The following NCS1 variants were observed in gnomAD, a reference collection of about 807,000 sequenced individuals.
NCS1 encodes the protein frequenin homolog.
In NCS1, 6 loss-of-function variants were observed where a neutral mutation model predicts 28.4. The ratio of observed to expected loss-of-function variants is 0.21; its 90% confidence interval spans 0.12 to 0.42. NCS1 has a LOEUF of 0.42. Among genes scored for constraint, NCS1 ranks in the 10% least tolerant of loss-of-function variants. The pLI is 1.00. For missense variants in NCS1, 131 were observed against 241.4 expected (o/e 0.54, Z 3.03); for synonymous variants, 86 against 99.3 (o/e 0.87, Z 0.79).
At chr9:130,223,531 A>G (rs902770362) in intron 6 of NCS1, among the ~76,000 whole-genome samples, 11 of 152,150 alleles carry the variant, frequency 7.2e-5, no homozygotes, top group Admixed American at 4.6e-4. Context: ...GAGTATTTTA[A>G]AAAAAGAATC....
At chr9:130,231,088 C>T (rs1833495228) in intron 7 of NCS1, among the ~76,000 whole-genome samples, 1 of 152,022 alleles carries the variant, frequency 6.6e-6, no homozygotes, top group African/African-American at 2.4e-5. Context: ...CAGTGGCTGA[C>T]GCCTGTAATC....
intron 1 of NCS1, among the ~76,000 whole-genome samples, chr9:130,182,822 G>C (rs1286251485): frequency 6.6e-6 from 1 of 152,250 alleles, no homozygotes; most frequent in African/African-American, 2.4e-5. Flanking sequence ...AGTGCCCCTG[G>C]CCATCCTGCC....
chr9:130,220,588 G>A (rs868921159), intron 4 of NCS1, among the ~76,000 whole-genome samples: 1 of 152,050 alleles, frequency 6.6e-6, no homozygotes, highest in East Asian at 1.9e-4. Context: ...GAGTTGGGAG[G>A]GGAAGCTGTG....
At chr9:130,216,227 C>T (rs1272010904) in intron 2 of NCS1, among the ~76,000 whole-genome samples, 2 of 152,146 alleles carry the variant, frequency 1.3e-5, no homozygotes, top group African/African-American at 2.4e-5. Flanking sequence ...CTCCGATGTT[C>T]GAGGGGAGGG....
In NCS1 at chr9:130,219,088, G is replaced by A. The variant is rs947083437; in HGVS notation, c.229-637G>A. Reference sequence around the variant, plus strand: ...TGTCACCTCCGGGCAGTGGCTGCACGGATAGCTGTTGGGTTATCTGCGATG... The same window carrying A: ...TGTCACCTCCGGGCAGTGGCTGCACAGATAGCTGTTGGGTTATCTGCGATG... On this transcript the variant is annotated intron_variant, in intron 3 of 7. Transcript: ENST00000372398. This position sits in a 1 kb window ranked among gnomAD's most constrained non-coding sequence, Gnocchi z 5.7. 6.6e-6 allele frequency among the ~76,000 whole-genome samples: 1 copy of A among 152,096 alleles called. No individual in the cohort carries two copies. The highest frequency in any genetic ancestry group is 2.4e-5 in the African/African-American group (1 of 41,396).
At chr9:130,223,253 C>A in intron 6 of NCS1, 94 bp downstream of exon 6, 1 of 1,149,194 alleles carries the variant, frequency 8.7e-7, no homozygotes, top group South Asian at 1.3e-5. Context: ...GGCTTTGCTG[C>A]CAACCTCCTC....
rs375719319 is a variant in NCS1 at position 130,181,605 on chromosome 9, C to A, written c.64+8878C>A. On this transcript the variant is annotated intron_variant, in intron 1 of 7. Coordinates refer to ENST00000372398, the MANE Select transcript of NCS1 (RefSeq NM_014286.4). This position sits in a 1 kb window ranked among gnomAD's most constrained non-coding sequence, Gnocchi z 5.0. ...GAGAGTGGTGCCATTGGGGTCTGAT[C>A]CCCGTCCCCTCTCAGCCTGGAGTCT... Among the ~76,000 whole-genome samples the A allele has an allele frequency of 3.2e-4, 48 of 152,246 alleles. No homozygotes were observed. The highest frequency in any genetic ancestry group is 1.1e-3 in the African/African-American group (45 of 41,558).
intron 1 of NCS1, among the ~76,000 whole-genome samples, chr9:130,182,275 T>C (rs971606771): frequency 1.3e-5 from 2 of 152,130 alleles, no homozygotes; most frequent in African/African-American, 2.4e-5. Flanking sequence ...ATCTTTATGT[T>C]GCCAGAGCCA....
chr9:130,228,379 GTTTT>G (rs1833448068), intron 7 of NCS1, among the ~76,000 whole-genome samples: 1 of 151,402 alleles, frequency 6.6e-6, no homozygotes, highest in Non-Finnish European at 1.5e-5. Context: ...TTGTTTGTTT[GTTTT>G]GTTTTGTTTT....
chr9:130,224,391 C>CAAA (rs71387332), intron 6 of NCS1, among the ~76,000 whole-genome samples: 3 of 96,478 alleles, frequency 3.1e-5, no homozygotes, highest in Admixed American at 1.1e-4. Context: ...GACGCAGTCT[C>CAAA]AAAAAAAAAA....
chr9:130,228,068 T>C (rs918950152), intron 7 of NCS1, among the ~76,000 whole-genome samples: 39 of 152,238 alleles, frequency 2.6e-4, no homozygotes, highest in African/African-American at 9.4e-4. Context: ...CCTCACAATA[T>C]GGCTGCCGGC....
At position 130,191,175 on chromosome 9, in the gene NCS1, T is replaced by G. The variant is rs1223892459; in HGVS notation, c.65-9783T>G. ...TGACCCAGGCCACGTGGCGACTGGA[T>G]AGTTGGTAGACCCATCTGTGCAAAG... On this transcript the variant is annotated intron_variant, in intron 1 of 7. Transcript: ENST00000372398. The surrounding 1 kb of genome is among the most constrained non-coding windows in gnomAD (Gnocchi z 6.4). Among the ~76,000 whole-genome samples, 1 of 152,154 alleles carries G rather than the reference T, an allele frequency of 6.6e-6. No homozygotes were observed. The highest frequency in any genetic ancestry group is 1.5e-5 in the Non-Finnish European group (1 of 68,026).
Position 130,215,645 on chromosome 9 carries a change from A to G in NCS1, c.90-2187A>G, listed in dbSNP as rs932583641. Among the ~76,000 whole-genome samples, 2 of 151,902 alleles carry G rather than the reference A, an allele frequency of 1.3e-5. No individual in the cohort carries two copies. The highest frequency in any genetic ancestry group is 2.9e-5 in the Non-Finnish European group (2 of 67,964). ...CTCAGTGCCTCATCTGTGAAATGGG[A>G]TGGTTGGGCCGACCTGCCGAGGGAA... On this transcript the variant is annotated intron_variant, in intron 2 of 7. Transcript: ENST00000372398. This position sits in a 1 kb window ranked among gnomAD's most constrained non-coding sequence, Gnocchi z 4.2.
At chr9:130,194,091 C>T (rs1832848595) in intron 1 of NCS1, 1 of 152,712 alleles carries the variant, frequency 6.5e-6, no homozygotes, top group African/African-American at 2.4e-5. Flanking sequence ...GTCTGCCGTC[C>T]ATGCCTCTAG....
intron 1 of NCS1, among the ~76,000 whole-genome samples, chr9:130,196,470 G>T (rs1435400283): frequency 6.6e-6 from 1 of 152,204 alleles, no homozygotes; most frequent in African/African-American, 2.4e-5. Flanking sequence ...TGGGCGCGGC[G>T]TCTCACGCCT....
At chr9:130,183,856 C>T (rs1376034219) in intron 1 of NCS1, among the ~76,000 whole-genome samples, 7 of 150,192 alleles carry the variant, frequency 4.7e-5, no homozygotes, top group African/African-American at 1.7e-4. Context: ...GTCGCCCAGG[C>T]TGGAGTGCAG....
intron 7 of NCS1, among the ~76,000 whole-genome samples, chr9:130,230,937 T>A (rs1456478327): frequency 6.6e-6 from 1 of 152,176 alleles, no homozygotes; most frequent in Non-Finnish European, 1.5e-5. Flanking sequence ...TTCCTTAATA[T>A]CCTCTGATCT....
chr9:130,219,586 C>T lies in NCS1; in HGVS notation c.229-139C>T, dbSNP rs527682973. ...CCTTGCCTCTCGCCCCCCATTCCTT[C>T]GAGCCTGCCCTCTCCACCTGAGTGT... is the stretch of plus-strand genomic sequence containing the variant. On this transcript the variant is annotated intron_variant, in intron 3 of 7. Transcript: ENST00000372398. The surrounding 1 kb of genome is among the most constrained non-coding windows in gnomAD (Gnocchi z 5.7). 4.8e-5 allele frequency: 35 copies of T among 729,874 alleles called. No individual in the cohort carries two copies. Among genetic ancestry groups the T allele is most frequent in the African/African-American group, 3.3e-4 (19 of 57,822 alleles). 45.2% of individuals were successfully genotyped at this position (729,874 alleles called of 1,614,324 possible).
chr9:130,185,304 G>A (rs1832724549), intron 1 of NCS1, among the ~76,000 whole-genome samples: 1 of 152,240 alleles, frequency 6.6e-6, no homozygotes, highest in Non-Finnish European at 1.5e-5. Context: ...CAGAGCCTGT[G>A]CATATTGTTG....
Sources: allele counts gnomAD v4.1 joint callset (sites outside exome capture counted in the v4.1 genomes callset), GRCh38; gene constraint gnomAD v4.1.1; non-coding constraint Gnocchi (gnomAD v3.1); transcripts MANE v1.5; gene names NCBI Gene and HGNC (gene_info 2026-07-23, HGNC 2026-07-21).